SPATA13: variants seen among roughly 807,000 people sequenced by gnomAD.
SPATA13 encodes the protein spermatogenesis associated 13.
In SPATA13, 50 loss-of-function variants were observed where a neutral mutation model predicts 104.0. The ratio of observed to expected loss-of-function variants is 0.48; its 90% confidence interval spans 0.38 to 0.61. SPATA13 has a LOEUF of 0.61. Among genes scored for constraint, SPATA13 ranks in the 20% least tolerant of loss-of-function variants. The pLI, the probability that SPATA13 is intolerant of heterozygous loss-of-function variation, is 0.00. For synonymous variants in SPATA13, 606 were observed against 667.5 expected (o/e 0.91, Z 1.42); for missense variants, 1,524 against 1,690.6 (o/e 0.90, Z 1.73).
intron 3 of SPATA13, among the ~76,000 whole-genome samples, chr13:24,078,015 CACTA>C (rs1194113822): frequency 6.6e-6 from 1 of 152,150 alleles, no homozygotes; most frequent in Non-Finnish European, 1.5e-5. Context: ...GCTCACCCCA[CACTA>C]ACTTTGCAAA....
chr13:24,041,914 A>G (rs1877943805), intron 3 of SPATA13, among the ~76,000 whole-genome samples: 1 of 152,236 alleles, frequency 6.6e-6, no homozygotes, highest in Admixed American at 6.5e-5. Context: ...CGTAACGGTC[A>G]ATTGGAATGT....
chr13:24,282,015 T>C (rs1875564251), intron 4 of SPATA13, among the ~76,000 whole-genome samples: 1 of 152,174 alleles, frequency 6.6e-6, no homozygotes, highest in Non-Finnish European at 1.5e-5. Flanking sequence ...CCCATTATTG[T>C]GGATCTTTTT....
intron 3 of SPATA13, among the ~76,000 whole-genome samples, chr13:24,117,652 A>C (rs1880889746): frequency 1.3e-5 from 2 of 151,574 alleles, no homozygotes; most frequent in Admixed American, 1.3e-4. Context: ...ATAGTCTTTA[A>C]GTGCCTTTAA....
chr13:24,306,892 G>C lies in SPATA13; in HGVS notation c.*4119G>C, dbSNP rs982238472. The C allele has an allele frequency of 2.6e-5, 4 of 152,168 alleles. No homozygotes were observed. Among genetic ancestry groups the C allele is most frequent in the Non-Finnish European group, 5.9e-5 (4 of 68,044 alleles). 9.4% of individuals were successfully genotyped at this position (152,168 alleles called of 1,614,324 possible). A position where few individuals can be genotyped will look rare whatever the true frequency, so the allele number is the denominator to read the frequency against. ...GTATAGGTCAAAGAATGGGACTTCTGAACTGAGGAATTTGCTGTTGACAGC... is the reference window on the plus strand; with the variant it reads ...GTATAGGTCAAAGAATGGGACTTCTCAACTGAGGAATTTGCTGTTGACAGC... On this transcript the variant is annotated 3_prime_UTR_variant, in exon 13 of 13. Transcript: ENST00000382108.
rs182138598 is a variant in SPATA13 at position 24,058,627 on chromosome 13, G to A, written c.-112+40926G>A. 2.0e-5 allele frequency among the ~76,000 whole-genome samples: 3 copies of A among 151,808 alleles called. No individual in the cohort carries two copies. In the East Asian group the frequency reaches 5.8e-4, roughly 29 times the overall value. ...GGTGTGAAACTCATGGCTTCAAAAC[G>A]GTCTACATAATTATGAAATTCAGAT... On this transcript the variant is annotated intron_variant, in intron 3 of 14. Coordinates refer to the SPATA13 transcript ENST00000424834.
chr13:24,095,603 T>G (rs570299642), intron 3 of SPATA13, among the ~76,000 whole-genome samples: 48 of 152,308 alleles, frequency 3.2e-4, no homozygotes, highest in African/African-American at 1.1e-3. Context: ...AAAATAAATA[T>G]TTTTAAAAAG....
At chr13:24,228,446 A>G (rs1283620886) in intron 2 of SPATA13, among the ~76,000 whole-genome samples, 1 of 152,194 alleles carries the variant, frequency 6.6e-6, no homozygotes, top group Non-Finnish European at 1.5e-5. Flanking sequence ...AAAAAGAGAA[A>G]ATATAGTTAT....
rs1255425835 is a variant in SPATA13, at chr13:24,303,936, A to T, written c.*1163A>T. ...AAAAACAAAAACAAAAAACATTCAA[A>T]CAACTGTTTGCAATATAAAAAGCTC... On this transcript the variant is annotated 3_prime_UTR_variant, in exon 13 of 13. Coordinates refer to ENST00000382108, the MANE Select transcript of SPATA13 (RefSeq NM_001166271.3). 1 of 152,244 alleles carries T rather than the reference A, an allele frequency of 6.6e-6. No individual in the cohort carries two copies. Among genetic ancestry groups the T allele is most frequent in the East Asian group, 1.9e-4 (1 of 5,202 alleles). The allele number at this position is 152,244 out of a possible 1,614,324, so 9.4% of individuals were successfully genotyped here.
rs1271599388 is a variant in SPATA13 at position 24,011,994 on chromosome 13, A to AC, written c.-146-5671dup. Among the ~76,000 whole-genome samples, 1 of 152,224 alleles carries AC rather than the reference A, an allele frequency of 6.6e-6. No homozygotes were observed. Among genetic ancestry groups the AC allele is most frequent in the Non-Finnish European group, 1.5e-5 (1 of 68,040 alleles). On this transcript the variant is annotated intron_variant, in intron 2 of 14. Transcript: ENST00000424834. This position sits in a 1 kb window ranked among gnomAD's most constrained non-coding sequence, Gnocchi z 4.3. ...CAGGCACAGGGACCGGGGCTTGCCC[A>AC]CCACCCTAAACAAAACTTGCTGATG...
At chr13:24,168,738 A>G (rs1034816218) in intron 1 of SPATA13, among the ~76,000 whole-genome samples, 1 of 152,318 alleles carries the variant, frequency 6.6e-6, no homozygotes, top group Admixed American at 6.5e-5. Context: ...TCCAGCCCTC[A>G]TTCAAAACAA....
intron 4 of SPATA13, among the ~76,000 whole-genome samples, chr13:24,265,029 A>G (rs1874231071): frequency 6.6e-6 from 1 of 152,208 alleles, no homozygotes. Flanking sequence ...CATTGCTCCA[A>G]GGTGAAAGCA....
At chr13:24,019,090 A>ATTTTTTTTTT (rs776200644) in intron 3 of SPATA13, among the ~76,000 whole-genome samples, 1 of 138,380 alleles carries the variant, frequency 7.2e-6, no homozygotes, top group Non-Finnish European at 1.6e-5. Flanking sequence ...TATTATTATT[A>ATTTTTTTTTT]TTATTTTTTT....
intron 3 of SPATA13, among the ~76,000 whole-genome samples, chr13:24,030,434 G>C (rs1382988255): frequency 1.3e-5 from 2 of 152,132 alleles, no homozygotes; most frequent in African/African-American, 4.8e-5. Flanking sequence ...GGGTGCTTAT[G>C]CTCTCCTTAT....
At chr13:24,087,310 T>A (rs889039654) in intron 3 of SPATA13, among the ~76,000 whole-genome samples, 1 of 152,082 alleles carries the variant, frequency 6.6e-6, no homozygotes, top group Non-Finnish European at 1.5e-5. Context: ...CCCTGCACAC[T>A]CTGCAAAGCA....
intron 2 of SPATA13, among the ~76,000 whole-genome samples, chr13:24,241,183 G>A (rs921752826): frequency 2.0e-5 from 3 of 152,228 alleles, no homozygotes; most frequent in Non-Finnish European, 2.9e-5. Context: ...TTGTAAGAGT[G>A]TAGCCCAGAG....
At chr13:24,001,821 G>A (rs9553134) in intron 2 of SPATA13, among the ~76,000 whole-genome samples, 23,115 of 151,946 alleles carry the variant, frequency 0.15, 2,374 homozygotes, top group East Asian at 0.5. Flanking sequence ...TGAGGACTGA[G>A]CAGGTGATCT....
At chr13:24,265,971 C>G (rs1874279726) in intron 4 of SPATA13, among the ~76,000 whole-genome samples, 3 of 152,104 alleles carry the variant, frequency 2.0e-5, no homozygotes, top group African/African-American at 7.2e-5. Context: ...AAATATCTAC[C>G]ATGTCATACT....
chr13:24,205,933 T>G lies in SPATA13; in HGVS notation c.-111-16886T>G, dbSNP rs1870675775. On this transcript the variant is annotated intron_variant, in intron 1 of 12. Coordinates refer to ENST00000382108, the MANE Select transcript of SPATA13 (RefSeq NM_001166271.3). This position sits in a 1 kb window ranked among gnomAD's most constrained non-coding sequence, Gnocchi z 4.1. ...ACCATATACAAAAATCAACTCAAGA[T>G]AAATTAAAGGCTTAAATGTAAAACC... Among the ~76,000 whole-genome samples the G allele has an allele frequency of 6.6e-6, 1 of 152,090 alleles. No homozygotes were observed. The highest frequency in any genetic ancestry group is 6.5e-5 in the Admixed American group (1 of 15,286).
intron 2 of SPATA13, among the ~76,000 whole-genome samples, chr13:24,239,844 A>G (rs1872748464): frequency 6.6e-6 from 1 of 151,910 alleles, no homozygotes; most frequent in East Asian, 1.9e-4. Flanking sequence ...TTATAAAATC[A>G]TGTTTTTTCA....
Sources: gnomAD v4.1 joint callset for allele counts (sites outside exome capture counted in the v4.1 genomes callset) on GRCh38, gnomAD v4.1.1 for gene constraint, Gnocchi (gnomAD v3.1) non-coding constraint, MANE v1.5 for transcripts, NCBI Gene and HGNC (gene_info 2026-07-23, HGNC 2026-07-21) for gene names.